The following MYBL2 variants were observed in gnomAD, a reference collection of about 807,000 sequenced individuals.
The protein encoded by MYBL2 is myb-related protein B.
MYBL2 carries 28 observed loss-of-function variants against 79.9 expected under a neutral mutation model. The observed-to-expected ratio is 0.35, with a 90% CI of 0.26 to 0.48. The LOEUF (loss-of-function observed/expected upper bound fraction) is 0.48. Among genes scored for constraint, MYBL2 ranks in the 20% least tolerant of loss-of-function variants. The pLI is 0.99. For synonymous variants in MYBL2, 378 were observed against 361.2 expected (o/e 1.05, Z -0.53); for missense variants, 735 against 893.9 (o/e 0.82, Z 2.27).
At chr20:43,702,409 C>G (rs1568871732) in intron 7 of MYBL2, 81 bp from the exon 8 acceptor site, 1 of 1,445,332 alleles carries the variant, frequency 6.9e-7, no homozygotes, top group Non-Finnish European at 9.4e-7. Flanking sequence ...ATACTTGACA[C>G]TTAAATATTT....
chr20:43,691,142 CT>C (rs1169597110), intron 5 of MYBL2, among the ~76,000 whole-genome samples: 4 of 152,070 alleles, frequency 2.6e-5, no homozygotes, highest in African/African-American at 9.7e-5. Flanking sequence ...TCTTTGGCCA[CT>C]TATCAGTCTG....
chr20:43,687,755 C>G (rs1404938130), intron 5 of MYBL2, among the ~76,000 whole-genome samples: 2 of 152,070 alleles, frequency 1.3e-5, no homozygotes, highest in Non-Finnish European at 1.5e-5. Flanking sequence ...GTGGCTCATG[C>G]CTGTAATCCT....
rs539074988 is a variant in MYBL2 at position 43,675,753 on chromosome 20, TG to T, written c.114+1859del. 4.3e-4 allele frequency among the ~76,000 whole-genome samples: 48 copies of T among 110,682 alleles called. No individual in the cohort carries two copies. The East Asian group carries it at 0.012, about 29-fold the overall frequency. 72.6% of individuals were successfully genotyped at this position (110,682 alleles called of 152,430 possible). A position where few individuals can be genotyped will look rare whatever the true frequency, so the allele number is the denominator to read the frequency against. Reference sequence around the variant, plus strand: ...TTGATTTGTTTTGCCTTTTTCTTTTTGGGGGCTTTGTGTGTGTGTGTGTGTG... The same window carrying T: ...TTGATTTGTTTTGCCTTTTTCTTTTTGGGGCTTTGTGTGTGTGTGTGTGTG... On this transcript the variant is annotated intron_variant, in intron 2 of 13. Transcript: ENST00000217026.
At chr20:43,694,429 C>G (rs190269416) in intron 6 of MYBL2, among the ~76,000 whole-genome samples, 4 of 152,196 alleles carry the variant, frequency 2.6e-5, no homozygotes, top group African/African-American at 9.6e-5. Context: ...TGGTAGGTAA[C>G]AATTGTCCTT....
intron 6 of MYBL2, among the ~76,000 whole-genome samples, chr20:43,697,005 G>C (rs1482834926): frequency 2.0e-5 from 3 of 152,304 alleles, no homozygotes; most frequent in Non-Finnish European, 2.9e-5. Context: ...GATTACAGGC[G>C]TGAGCCACTG....
chr20:43,705,530 G>T (rs34771484), intron 9 of MYBL2, among the ~76,000 whole-genome samples, 172 bp downstream of exon 9: 20 of 151,996 alleles, frequency 1.3e-4, no homozygotes, highest in African/African-American at 4.4e-4. Flanking sequence ...CATTTTTATC[G>T]ATATAGTTTT....
intron 6 of MYBL2, among the ~76,000 whole-genome samples, chr20:43,697,840 G>C (rs1403867819): frequency 1.3e-5 from 2 of 151,720 alleles, no homozygotes; most frequent in African/African-American, 4.8e-5. Flanking sequence ...GCGTGAACCT[G>C]GGAGGTGGAG....
intron 1 of MYBL2, among the ~76,000 whole-genome samples, chr20:43,671,084 TCA>T (rs1986843741): frequency 6.6e-6 from 1 of 151,782 alleles, no homozygotes; most frequent in African/African-American, 2.4e-5. Flanking sequence ...TTCTCCTGCC[TCA>T]GTTTCCCGAG....
Position 43,694,192 on chromosome 20 carries a change from C to T in MYBL2, c.663+1873C>T, listed in dbSNP as rs368493071. Among the ~76,000 whole-genome samples the T allele has an allele frequency of 2.7e-5, 4 of 150,636 alleles. No individual in the cohort carries two copies. In the South Asian group the frequency reaches 8.4e-4, roughly 32 times the overall value. On this transcript the variant is annotated intron_variant, in intron 6 of 13. Transcript: ENST00000217026. Reference sequence around the variant, plus strand: ...CTAAAAGTACAAAAAATTAGCTGGGCGTGGTGGCGGGTGCCTGTAGTCCCA... The same window carrying T: ...CTAAAAGTACAAAAAATTAGCTGGGTGTGGTGGCGGGTGCCTGTAGTCCCA...
At chr20:43,679,234 T>C (rs1987089288) in intron 2 of MYBL2, among the ~76,000 whole-genome samples, 1 of 152,182 alleles carries the variant, frequency 6.6e-6, no homozygotes, top group South Asian at 2.1e-4. Context: ...CTGGCCAAGC[T>C]GTAGTTGAGG....
chr20:43,704,290 A>G (rs1158885925), intron 8 of MYBL2, among the ~76,000 whole-genome samples: 1 of 152,186 alleles, frequency 6.6e-6, no homozygotes, highest in Non-Finnish European at 1.5e-5. Flanking sequence ...TGCTGGGATT[A>G]CAGGCGTGAG....
intron 6 of MYBL2, among the ~76,000 whole-genome samples, chr20:43,698,068 T>C (rs2145725357): frequency 6.7e-6 from 1 of 149,972 alleles, no homozygotes; most frequent in South Asian, 2.1e-4. Flanking sequence ...TGTCTTTTTT[T>C]TTTTTTTTTT....
chr20:43,712,967 C>G, intron 11 of MYBL2, 35 bp from the exon 12 acceptor site: 2 of 1,530,596 alleles, frequency 1.3e-6, no homozygotes, highest in Non-Finnish European at 1.8e-6. Context: ...AATCCAGACA[C>G]TCACCCTAAC....
chr20:43,678,839 AAG>A (rs1165348070), intron 2 of MYBL2, among the ~76,000 whole-genome samples: 3 of 144,230 alleles, frequency 2.1e-5, no homozygotes, highest in Non-Finnish European at 3.0e-5. Context: ...CCTGGACAAC[AAG>A]AGCAAAACTC....
chr20:43,697,331 C>G (rs967210968), intron 6 of MYBL2, among the ~76,000 whole-genome samples: 1 of 151,902 alleles, frequency 6.6e-6, no homozygotes, highest in Non-Finnish European at 1.5e-5. Flanking sequence ...ATATATTGAC[C>G]AGGGGCGGTG....
intron 1 of MYBL2, among the ~76,000 whole-genome samples, chr20:43,668,694 T>C (rs2145702669): frequency 2.0e-5 from 3 of 150,648 alleles, no homozygotes; most frequent in East Asian, 3.9e-4. Context: ...GGTTTTTTTT[T>C]TTTTTTTTTT....
chr20:43,701,803 G>A (rs1037150780), intron 7 of MYBL2, among the ~76,000 whole-genome samples: 8 of 151,964 alleles, frequency 5.3e-5, no homozygotes, highest in Non-Finnish European at 1.0e-4. Flanking sequence ...AGAGGATCAC[G>A]TGAGCCCAGG....
intron 1 of MYBL2, among the ~76,000 whole-genome samples, chr20:43,671,660 C>T (rs1427702820): frequency 1.3e-5 from 2 of 151,390 alleles, no homozygotes; most frequent in Non-Finnish European, 2.9e-5. Context: ...TTAGTAGAGA[C>T]GGGGTTTCTC....
At chr20:43,696,199 T>C (rs1987536485) in intron 6 of MYBL2, among the ~76,000 whole-genome samples, 1 of 152,134 alleles carries the variant, frequency 6.6e-6, no homozygotes, top group South Asian at 2.1e-4. Context: ...CTTAACAACT[T>C]TATAGAATTG....
Sources: allele counts gnomAD v4.1 joint callset (sites outside exome capture counted in the v4.1 genomes callset), GRCh38; gene constraint gnomAD v4.1.1; transcripts MANE v1.5; gene names NCBI Gene and HGNC (gene_info 2026-07-23, HGNC 2026-07-21).